The following PARP8 variants were observed in gnomAD, a reference collection of about 807,000 sequenced individuals.
The protein encoded by PARP8 is poly(ADP-ribose) polymerase family member 8, also known as protein mono-ADP-ribosyltransferase PARP8.
A neutral mutation model predicts 124.1 loss-of-function variants in PARP8; 51 were observed. That is an observed-to-expected ratio of 0.41 (90% CI 0.33 to 0.52). PARP8 has a LOEUF of 0.52. Among genes scored for constraint, PARP8 ranks in the 20% least tolerant of loss-of-function variants. PARP8 has a pLI of 0.21. For missense variants in PARP8, 860 were observed against 1,018.9 expected (o/e 0.84, Z 2.12); for synonymous variants, 391 against 361.5 (o/e 1.08, Z -0.93).
At chr5:50,678,616 G>C (rs1372074653) in intron 2 of PARP8, among the ~76,000 whole-genome samples, 1 of 152,162 alleles carries the variant, frequency 6.6e-6, no homozygotes, top group Non-Finnish European at 1.5e-5. Context: ...AATCACGCTT[G>C]TTAACATAAA....
intron 2 of PARP8, chr5:50,745,113 G>A (rs557290193): frequency 3.9e-5 from 8 of 207,112 alleles, no homozygotes; most frequent in East Asian, 1.0e-4. Flanking sequence ...AAATGCTGTC[G>A]CACAAGGGGC....
chr5:50,782,503 TTA>T lies in PARP8; in HGVS notation c.670+3855_670+3856del, dbSNP rs574055914. 3.5e-3 allele frequency among the ~76,000 whole-genome samples: 534 copies of T among 152,372 alleles called. 1 individual carries two copies. Among genetic ancestry groups the T allele is most frequent in the Middle Eastern group, 0.01 (3 of 294 alleles). ...GTGTTACTAAAAAGGAACCTTTAACTTATTATTCCAGGAGAATAATTAGGTTT... is the reference window on the plus strand; with the variant it reads ...GTGTTACTAAAAAGGAACCTTTAACTTTATTCCAGGAGAATAATTAGGTTT... On this transcript the variant is annotated intron_variant, in intron 9 of 25. Coordinates refer to ENST00000281631, the MANE Select transcript of PARP8 (RefSeq NM_024615.4).
At chr5:50,759,506 G>T (rs536793532) in intron 3 of PARP8, 137 bp from the exon 4 acceptor site, 13 of 940,044 alleles carry the variant, frequency 1.4e-5, no homozygotes, top group African/African-American at 8.7e-5. Flanking sequence ...CATATTTTTT[G>T]AGTTTAATCA....
rs771756073 is a variant in PARP8 at position 50,828,318 on chromosome 5, A to G, written c.2097A>G (p.Ser699=). The stretch of plus-strand genomic sequence containing the variant: ...TTTCCGTCTGTTTTTTTAGTGGCTC[A>G]CACATTGAAAACTGGCACTCCATCC... ...LFGSTFAFHG[S]HIENWHSILR... The change falls in exon 21 of 26, where the codon TCA becomes TCG. Residue 699 remains serine, a synonymous_variant. Coordinates refer to ENST00000281631, the MANE Select transcript of PARP8 (RefSeq NM_024615.4). 3.7e-6 allele frequency: 6 copies of G among 1,613,352 alleles called. No individual in the cohort carries two copies. The African/African-American group carries it at 8.0e-5, about 22-fold the overall frequency.
intron 2 of PARP8, among the ~76,000 whole-genome samples, chr5:50,714,140 C>CT (rs1755062639): frequency 7.1e-6 from 1 of 141,068 alleles, no homozygotes; most frequent in Admixed American, 7.2e-5. Context: ...TTGAGGGTAT[C>CT]TGAGTCTGGT....
intron 7 of PARP8, among the ~76,000 whole-genome samples, chr5:50,769,746 A>G (rs1369548645): frequency 1.3e-5 from 2 of 151,916 alleles, no homozygotes; most frequent in Admixed American, 6.6e-5. Flanking sequence ...CAGAACCACA[A>G]TCTTTATATA....
intron 20 of PARP8, 113 bp downstream of exon 20, chr5:50,828,169 A>G: frequency 8.9e-7 from 1 of 1,118,820 alleles, no homozygotes; most frequent in Non-Finnish European, 1.3e-6. Context: ...TGGTCATTCA[A>G]CAGATGGTCA....
At chr5:50,827,436 C>T (rs1256762240) in intron 19 of PARP8, among the ~76,000 whole-genome samples, 3 of 151,994 alleles carry the variant, frequency 2.0e-5, no homozygotes, top group African/African-American at 7.2e-5. Context: ...CTTTCCATGA[C>T]CAAGGAGGAG....
chr5:50,685,464 G>A (rs1399240612), intron 2 of PARP8, among the ~76,000 whole-genome samples: 1 of 152,188 alleles, frequency 6.6e-6, no homozygotes, highest in South Asian at 2.1e-4. Context: ...TCCAGAGGGG[G>A]AACATCCTTT....
chr5:50,749,783 A>G (rs1029974608), intron 2 of PARP8, among the ~76,000 whole-genome samples: 1 of 152,128 alleles, frequency 6.6e-6, no homozygotes, highest in Non-Finnish European at 1.5e-5. Context: ...TAAGAGAAAT[A>G]CTTTTTTGGT....
intron 9 of PARP8, among the ~76,000 whole-genome samples, chr5:50,788,244 T>C (rs1021280482): frequency 6.9e-6 from 1 of 145,880 alleles, no homozygotes. Context: ...TTATACAGTA[T>C]AATGTATAAT....
chr5:50,841,811 A>G (rs1362037974), intron 25 of PARP8, among the ~76,000 whole-genome samples, 155 bp from the exon 26 acceptor site: 3 of 151,810 alleles, frequency 2.0e-5, no homozygotes, highest in East Asian at 1.9e-4. Context: ...GTGTTTCGCA[A>G]TGAGAACACA....
intron 3 of PARP8, among the ~76,000 whole-genome samples, chr5:50,754,116 CATATATATATATATATATATATAT>C (rs373375463): frequency 3.1e-5 from 2 of 64,760 alleles, no homozygotes; most frequent in Non-Finnish European, 5.0e-5. Context: ...TGAAAACATT[CATATATATATATATATATATATAT>C]ATATATATAT....
intron 21 of PARP8, among the ~76,000 whole-genome samples, chr5:50,828,597 A>G (rs1222741967): frequency 1.3e-5 from 2 of 152,084 alleles, no homozygotes; most frequent in African/African-American, 4.8e-5. Flanking sequence ...AGAAAAAGAA[A>G]GGATGGGTGC....
At chr5:50,803,090 T>C (rs1160904115) in intron 14 of PARP8, among the ~76,000 whole-genome samples, 2 of 152,194 alleles carry the variant, frequency 1.3e-5, no homozygotes, top group African/African-American at 2.4e-5. Context: ...GAATTCATGG[T>C]TGGAAATTTC....
intron 2 of PARP8, among the ~76,000 whole-genome samples, chr5:50,729,997 T>TAAAA (rs1756818530): frequency 6.6e-6 from 1 of 152,206 alleles, no homozygotes; most frequent in African/African-American, 2.4e-5. Flanking sequence ...ATAAACATTT[T>TAAAA]AAATGCTTTC....
chr5:50,673,777 T>A (rs1750309754), intron 2 of PARP8, among the ~76,000 whole-genome samples: 1 of 152,240 alleles, frequency 6.6e-6, no homozygotes, highest in Admixed American at 6.5e-5. Flanking sequence ...GAAAATTATG[T>A]ACGTTGGCTG....
intron 2 of PARP8, among the ~76,000 whole-genome samples, chr5:50,724,348 A>G (rs1169357416): frequency 6.6e-6 from 1 of 152,160 alleles, no homozygotes. Context: ...TTTAAAATAA[A>G]TTATAGCTAA....
intron 2 of PARP8, among the ~76,000 whole-genome samples, chr5:50,721,148 T>C (rs2149502879): frequency 6.6e-6 from 1 of 152,096 alleles, no homozygotes; most frequent in African/African-American, 2.4e-5. Flanking sequence ...ATAAAGTATT[T>C]TCAGTCATCT....
Sources: gnomAD v4.1 joint callset for allele counts (sites outside exome capture counted in the v4.1 genomes callset) on GRCh38, gnomAD v4.1.1 for gene constraint, MANE v1.5 for transcripts, NCBI Gene and HGNC (gene_info 2026-07-23, HGNC 2026-07-21) for gene names.